Variants in SHROOM4 observed in about 807,000 individuals in gnomAD.
SHROOM4 encodes the protein shroom family member 4, also known as protein Shroom4.
Under a neutral mutation model 80.3 loss-of-function variants are expected in SHROOM4, and 17 were observed. That is an observed-to-expected ratio of 0.21 (90% CI 0.14 to 0.32). The LOEUF (loss-of-function observed/expected upper bound fraction) is 0.32, where lower values mean the gene tolerates loss of function less well. Ranked by LOEUF, SHROOM4 falls within the 10% of genes least tolerant of loss-of-function variation. SHROOM4 has a pLI of 1.00. For missense variants in SHROOM4, 993 were observed against 1,140.3 expected (o/e 0.87, Z 1.86); for synonymous variants, 400 against 437.5 (o/e 0.91, Z 1.07).
At chrX:50,601,395 C>T (rs1929399412) in intron 7 of SHROOM4, among the ~76,000 whole-genome samples, 1 of 112,136 alleles carries the variant, frequency 8.9e-6, no homozygotes, top group South Asian at 3.7e-4. Context: ...TCAACACCAC[C>T]ATGCTTCCAA....
intron 1 of SHROOM4, among the ~76,000 whole-genome samples, chrX:50,750,639 C>A (rs1557267977): frequency 8.9e-6 from 1 of 112,047 alleles, no homozygotes; most frequent in Non-Finnish European, 1.9e-5. Context: ...TTAAAATGTT[C>A]AATGATCTCC....
intron 2 of SHROOM4, among the ~76,000 whole-genome samples, chrX:50,657,694 T>C (rs1345479291): frequency 9.0e-6 from 1 of 110,880 alleles, no homozygotes; most frequent in African/African-American, 3.3e-5. Flanking sequence ...ATGTTAACAA[T>C]GTTCCCCTGA....
intron 1 of SHROOM4, among the ~76,000 whole-genome samples, chrX:50,735,650 A>G (rs782151906): frequency 3.6e-5 from 4 of 111,734 alleles, no homozygotes; most frequent in African/African-American, 1.3e-4. Context: ...AAAAAAACAG[A>G]CAAAGGATAT....
Position 50,634,500 on chromosome X carries a change from G to T in SHROOM4, c.1573C>A (p.Gln525Lys). Residue 525 changes from glutamine to lysine, a missense_variant, in exon 4 of 9, where the codon CAG becomes AAG. Transcript: ENST00000376020. ...TSRAASELAN[Q>K]QPSASGSLVQ... Reference sequence around the variant, plus strand: ...AGGGAGCCAGAGGCAGAGGGTTGCTGGTTGGCCAATTCACTGGCTGCTCTG... The same window carrying T: ...AGGGAGCCAGAGGCAGAGGGTTGCTTGTTGGCCAATTCACTGGCTGCTCTG... 8.3e-7 allele frequency: 1 copy of T among 1,211,748 alleles called. No individual in the cohort carries two copies. Among genetic ancestry groups the T allele is most frequent in the East Asian group, 3.0e-5 (1 of 33,794 alleles).
intron 1 of SHROOM4, among the ~76,000 whole-genome samples, chrX:50,801,206 G>A (rs1284144895): frequency 9.4e-6 from 1 of 105,896 alleles, no homozygotes; most frequent in Non-Finnish European, 1.9e-5. Flanking sequence ...ACGTGGTAGG[G>A]AAAGGAGGGA....
intron 1 of SHROOM4, among the ~76,000 whole-genome samples, chrX:50,811,697 T>C (rs782443760): frequency 1.3e-4 from 15 of 111,940 alleles, no homozygotes; most frequent in Non-Finnish European, 2.6e-4. Context: ...AAAAAAATAC[T>C]ATGGTCCCTT....
At chrX:50,660,008 C>T (rs1932442034) in intron 2 of SHROOM4, among the ~76,000 whole-genome samples, 1 of 112,114 alleles carries the variant, frequency 8.9e-6, no homozygotes, top group Non-Finnish European at 1.9e-5. Context: ...GTAATGAATA[C>T]TGAAGTTGCT....
chrX:50,783,135 T>C (rs912291333), intron 1 of SHROOM4, among the ~76,000 whole-genome samples: 3 of 112,104 alleles, frequency 2.7e-5, no homozygotes, highest in East Asian at 5.6e-4. Flanking sequence ...AGTGAAATCA[T>C]CTTTATTTGT....
chrX:50,643,406 T>G (rs1931689221), intron 2 of SHROOM4: 2 of 110,993 alleles, frequency 1.8e-5, no homozygotes. Context: ...GCGTCCTCCC[T>G]TAGCTGGGAC....
At chrX:50,622,260 GTGT>G (rs1209488483) in intron 5 of SHROOM4, among the ~76,000 whole-genome samples, 12 of 110,823 alleles carry the variant, frequency 1.1e-4, no homozygotes, top group Non-Finnish European at 2.1e-4. Flanking sequence ...TTTAACCTCA[GTGT>G]TGTTGTGAGA....
At chrX:50,796,388 G>C (rs1936011229) in intron 1 of SHROOM4, among the ~76,000 whole-genome samples, 1 of 111,623 alleles carries the variant, frequency 9.0e-6, no homozygotes, top group South Asian at 3.8e-4. Flanking sequence ...TGGGAGCATG[G>C]AGCCATAGCA....
chrX:50,724,001 C>T (rs183520707), intron 1 of SHROOM4, among the ~76,000 whole-genome samples: 14 of 110,355 alleles, frequency 1.3e-4, no homozygotes, highest in Non-Finnish European at 1.5e-4. Flanking sequence ...TCCTTCACAT[C>T]CTCTCCTTGT....
chrX:50,785,154 T>C (rs932571356), intron 1 of SHROOM4, among the ~76,000 whole-genome samples: 3 of 111,852 alleles, frequency 2.7e-5, no homozygotes, highest in Non-Finnish European at 5.6e-5. Flanking sequence ...GGAACCCTCC[T>C]ACAGTATTGA....
chrX:50,600,129 C>A (rs782544265), intron 7 of SHROOM4, among the ~76,000 whole-genome samples: 4 of 111,938 alleles, frequency 3.6e-5, no homozygotes, highest in Non-Finnish European at 5.6e-5. Flanking sequence ...CAGAGATTTT[C>A]TGATGGGTAA....
At chrX:50,622,217 G>C (rs1413660146) in intron 5 of SHROOM4, among the ~76,000 whole-genome samples, 1 of 111,572 alleles carries the variant, frequency 9.0e-6, no homozygotes, top group Non-Finnish European at 1.9e-5. Flanking sequence ...TCTGAGTCTT[G>C]GCTTCCTCAT....
At position 50,608,119 on chromosome X, in the gene SHROOM4, G is replaced by A; in HGVS notation, c.3023C>T (p.Pro1008Leu). ...TCGGTAGCTTGACAAGTCCAGTGCT[G>A]GGTTCTCAAGGCAAGGATGGAAAGG... Reference protein sequence around the residue: ...ATPFHPCLENPALDLSSYRAI... With the variant: ...ATPFHPCLENLALDLSSYRAI... Residue 1008 changes from proline (P) to leucine (L), a missense_variant, in exon 6 of 9, where the codon CCA becomes CTA. Coordinates refer to ENST00000376020, the MANE Select transcript of SHROOM4 (RefSeq NM_020717.5). 2.5e-6 allele frequency: 3 copies of A among 1,211,612 alleles called. No individual in the cohort carries two copies. Among genetic ancestry groups the A allele is most frequent in the African/African-American group, 1.7e-5 (1 of 57,769 alleles).
At chrX:50,811,296 G>A (rs1360396419) in intron 1 of SHROOM4, among the ~76,000 whole-genome samples, 1 of 110,001 alleles carries the variant, frequency 9.1e-6, no homozygotes, top group Non-Finnish European at 1.9e-5. Context: ...AACAGAGTGA[G>A]ACCCTGTCTC....
intron 1 of SHROOM4, among the ~76,000 whole-genome samples, chrX:50,751,961 G>A (rs1934929010): frequency 8.9e-6 from 1 of 112,044 alleles, no homozygotes; most frequent in African/African-American, 3.2e-5. Flanking sequence ...CTAAGAATAT[G>A]TAACGTGCCT....
At chrX:50,774,980 A>C (rs932744438) in intron 1 of SHROOM4, among the ~76,000 whole-genome samples, 13 of 112,101 alleles carry the variant, frequency 1.2e-4, no homozygotes, top group Admixed American at 8.5e-4. Flanking sequence ...ATCATTCCTT[A>C]AATTGACACT....
Sources: allele counts gnomAD v4.1 joint callset (sites outside exome capture counted in the v4.1 genomes callset), GRCh38; gene constraint gnomAD v4.1.1; transcripts MANE v1.5; gene names NCBI Gene and HGNC (gene_info 2026-07-23, HGNC 2026-07-21).